Variants in CYB5B observed in about 807,000 individuals in gnomAD.
CYB5B encodes cytochrome b5 type B.
Under a neutral mutation model 21.3 loss-of-function variants are expected in CYB5B, and 14 were observed. That is an observed-to-expected ratio of 0.66 (90% confidence interval 0.43 to 1.03). The LOEUF (loss-of-function observed/expected upper bound fraction) is 1.03. Ranked by LOEUF, CYB5B falls within the 50% of genes least tolerant of loss-of-function variation. The pLI, the probability that CYB5B is intolerant of heterozygous loss-of-function variation, is 0.00. For missense variants in CYB5B, 166 were observed against 185.1 expected (o/e 0.90, Z 0.60); for synonymous variants, 69 against 68.4 (o/e 1.01, Z -0.04).
At chr16:69,433,118 G>GTACCC (rs2014723001) in intron 1 of CYB5B, among the ~76,000 whole-genome samples, 1 of 152,110 alleles carries the variant, frequency 6.6e-6, no homozygotes, top group Non-Finnish European at 1.5e-5. Flanking sequence ...ACTCTTAACC[G>GTACCC]TACCCTAGGA....
chr16:69,456,669 A>G lies in CYB5B; in HGVS notation c.334-2424A>G, dbSNP rs894640857. On this transcript the variant is annotated intron_variant, in intron 3 of 4. Transcript: ENST00000307892. ...GACATAACCAGCTAGATATGCCTCA[A>G]TACCTGAAGGGATAAATTAAAGTCA... 1.7e-4 allele frequency among the ~76,000 whole-genome samples: 26 copies of G among 152,334 alleles called. No homozygotes were observed. The East Asian group carries it at 1.7e-3, about 10-fold the overall frequency.
chr16:69,459,702 CA>C (rs1294476672), intron 4 of CYB5B: 1 of 152,212 alleles, frequency 6.6e-6, no homozygotes, highest in Non-Finnish European at 1.5e-5. Flanking sequence ...TTGGCTTGTA[CA>C]GTATCTTTGT....
chr16:69,459,311 G>A (rs903233549), intron 4 of CYB5B, 190 bp downstream of exon 4: 6 of 697,338 alleles, frequency 8.6e-6, no homozygotes, highest in Non-Finnish European at 1.3e-5. Flanking sequence ...CAGCCATTTT[G>A]AATAATCTAA....
At position 69,462,425 on chromosome 16, in the gene CYB5B, C is replaced by A. The variant is rs982430997; in HGVS notation, c.363-5C>A. The A allele has an allele frequency of 7.5e-6, 12 of 1,609,706 alleles. No homozygotes were observed. Among genetic ancestry groups the A allele is most frequent in the Non-Finnish European group, 8.5e-6 (10 of 1,175,982 alleles). On this transcript the variant is annotated splice_region_variant and splice_polypyrimidine_tract_variant and intron_variant, in intron 4 of 4. Coordinates refer to ENST00000307892, the MANE Select transcript of CYB5B (RefSeq NM_030579.3). ...AACTTTATTGCTTTCTCCCCCTATT[C>A]CTAGTTGCTGGGCATATTGGATTTT... is the stretch of plus-strand genomic sequence containing the variant.
At chr16:69,431,435 A>G (rs947432708) in intron 1 of CYB5B, among the ~76,000 whole-genome samples, 11 of 152,118 alleles carry the variant, frequency 7.2e-5, no homozygotes. Context: ...ATAAACATAA[A>G]CATGGAACCC....
At chr16:69,450,763 T>C (rs1412067817) in intron 3 of CYB5B, among the ~76,000 whole-genome samples, 2 of 152,256 alleles carry the variant, frequency 1.3e-5, no homozygotes, top group African/African-American at 4.8e-5. Context: ...TGAATCTTTA[T>C]GAAGAAGTGA....
intron 4 of CYB5B, among the ~76,000 whole-genome samples, chr16:69,460,940 G>C (rs1483843651): frequency 1.3e-5 from 2 of 152,164 alleles, no homozygotes; most frequent in African/African-American, 4.8e-5. Context: ...TATTTCCTCT[G>C]GTTCTCTCCT....
chr16:69,427,322 G>A (rs7200355), intron 1 of CYB5B, among the ~76,000 whole-genome samples: 9,563 of 151,996 alleles, frequency 0.063, 993 homozygotes, highest in African/African-American at 0.22. Context: ...TAGATGGTGA[G>A]CTTGGAGGGA....
In CYB5B at chr16:69,459,083, T is replaced by A. The variant is rs2142827955; in HGVS notation, c.334-10T>A. ...TGTTATTTTTGAATTTTTTTTTTTT[T>A]TTATTTCAGGACCCTTCAAAAAATG... On this transcript the variant is annotated splice_polypyrimidine_tract_variant and intron_variant, in intron 3 of 4. Transcript: ENST00000307892. The A allele has an allele frequency of 1.3e-6, 2 of 1,586,000 alleles. No homozygotes were observed. The highest frequency in any genetic ancestry group is 4.5e-5 in the East Asian group (2 of 44,614).
chr16:69,464,120 C>G lies in CYB5B; in HGVS notation c.*1600C>G, dbSNP rs950938560. On this transcript the variant is annotated 3_prime_UTR_variant, in exon 5 of 5. Coordinates refer to ENST00000307892, the MANE Select transcript of CYB5B (RefSeq NM_030579.3). ...GCCAGGGATTTGATGAGACAGGAAA[C>G]TGCCCAGCAAACCAGGGACTGCCCA... 2 of 152,196 alleles carry G rather than the reference C, an allele frequency of 1.3e-5. No individual in the cohort carries two copies. The highest frequency in any genetic ancestry group is 2.4e-5 in the African/African-American group (1 of 41,446). The allele number at this position is 152,196 out of a possible 1,614,324, so 9.4% of individuals were successfully genotyped here.
intron 4 of CYB5B, 68 bp downstream of exon 4, chr16:69,459,189 A>G (rs1167880369): frequency 1.3e-6 from 2 of 1,553,224 alleles, no homozygotes; most frequent in Middle Eastern, 1.7e-4. Context: ...TTCCATAAGT[A>G]TATGTATGTA....
intron 1 of CYB5B, among the ~76,000 whole-genome samples, chr16:69,434,662 G>A (rs1046313154): frequency 6.6e-6 from 1 of 152,038 alleles, no homozygotes. Context: ...TCAGCAGATC[G>A]AGACCAGCCT....
chr16:69,434,945 A>G (rs2014745164), intron 1 of CYB5B, among the ~76,000 whole-genome samples: 1 of 151,904 alleles, frequency 6.6e-6, no homozygotes, highest in African/African-American at 2.4e-5. Context: ...CTGATGACTA[A>G]TGATGTTGTA....
chr16:69,453,972 A>G (rs2014959386), intron 3 of CYB5B, among the ~76,000 whole-genome samples: 1 of 152,218 alleles, frequency 6.6e-6, no homozygotes, highest in African/African-American at 2.4e-5. Context: ...CCCTTTGCTG[A>G]GGGTTCTCAA....
At chr16:69,446,080 A>G (rs113467780) in intron 1 of CYB5B, among the ~76,000 whole-genome samples, 4 of 152,200 alleles carry the variant, frequency 2.6e-5, no homozygotes, top group Non-Finnish European at 5.9e-5. Context: ...ATATGCATAT[A>G]TATATCTTCA....
Position 69,464,350 on chromosome 16 carries a change from A to G in CYB5B, c.*1830A>G, listed in dbSNP as rs1261449866. On this transcript the variant is annotated 3_prime_UTR_variant, in exon 5 of 5. Coordinates refer to ENST00000307892, the MANE Select transcript of CYB5B (RefSeq NM_030579.3). ...CTTTTATCTTTAGAAAAATGTTTGT[A>G]TGCATTATAAGATGCTACTTTTAAG... is the stretch of plus-strand genomic sequence containing the variant. 4 of 152,204 alleles carry G rather than the reference A, an allele frequency of 2.6e-5. No homozygotes were observed. The highest frequency in any genetic ancestry group is 4.4e-5 in the Non-Finnish European group (3 of 68,030). The allele number at this position is 152,204 out of a possible 1,614,324, so 9.4% of individuals were successfully genotyped here.
intron 4 of CYB5B, among the ~76,000 whole-genome samples, chr16:69,461,938 A>G (rs778053508): frequency 6.6e-6 from 1 of 152,248 alleles, no homozygotes; most frequent in Non-Finnish European, 1.5e-5. Flanking sequence ...AATCTTTAAA[A>G]TACATATGAA....
chr16:69,424,656 G>C lies in CYB5B; in HGVS notation c.-28G>C, dbSNP rs1392299768. 3 of 1,505,758 alleles carry C rather than the reference G, an allele frequency of 2.0e-6. No homozygotes were observed. Among genetic ancestry groups the C allele is most frequent in the Non-Finnish European group, 2.7e-6 (3 of 1,123,338 alleles). 93.3% of individuals were successfully genotyped at this position (1,505,758 alleles called of 1,614,324 possible). ...CGGGCTCTCAAGGAAAGTAGTCGCG[G>C]AATCTCAGTTAGCGGTGGAGAGGCA... On this transcript the variant is annotated 5_prime_UTR_variant, in exon 1 of 5. Coordinates refer to ENST00000307892, the MANE Select transcript of CYB5B (RefSeq NM_030579.3).
intron 1 of CYB5B, among the ~76,000 whole-genome samples, chr16:69,437,236 T>C (rs1002983416): frequency 2.5e-4 from 38 of 152,172 alleles, no homozygotes; most frequent in African/African-American, 8.0e-4. Flanking sequence ...ACATTTCATT[T>C]GTAATATTGT....
Sources: allele counts gnomAD v4.1 joint callset (sites outside exome capture counted in the v4.1 genomes callset), GRCh38; gene constraint gnomAD v4.1.1; transcripts MANE v1.5; gene names NCBI Gene and HGNC (gene_info 2026-07-23, HGNC 2026-07-21).